SPOCK3: variants seen among roughly 807,000 people sequenced by gnomAD.
The protein encoded by SPOCK3 is testican-3.
A neutral mutation model predicts 56.6 loss-of-function variants in SPOCK3; 30 were observed. That is an observed-to-expected ratio of 0.53 (90% confidence interval 0.40 to 0.72). SPOCK3 has a LOEUF of 0.72. SPOCK3 is among the 30% of genes least tolerant of loss of function. The pLI, the probability that SPOCK3 is intolerant of heterozygous loss-of-function variation, is 0.00. For missense variants in SPOCK3, 527 were observed against 530.0 expected (o/e 0.99, Z 0.06); for synonymous variants, 196 against 183.3 (o/e 1.07, Z -0.56).
At chr4:166,840,806 T>G (rs1350163458) in intron 6 of SPOCK3, among the ~76,000 whole-genome samples, 1 of 126,246 alleles carries the variant, frequency 7.9e-6, no homozygotes, top group Non-Finnish European at 1.6e-5. Context: ...TTAGATGCAG[T>G]CTCGCTCTGT....
chr4:167,126,001 C>T (rs1012686740), intron 2 of SPOCK3, among the ~76,000 whole-genome samples: 3 of 152,182 alleles, frequency 2.0e-5, no homozygotes, highest in Admixed American at 6.5e-5. Flanking sequence ...TTTATTTTTA[C>T]TCATATCCTA....
At chr4:167,129,016 C>T (rs1357647912) in intron 2 of SPOCK3, among the ~76,000 whole-genome samples, 3 of 152,086 alleles carry the variant, frequency 2.0e-5, no homozygotes, top group African/African-American at 7.2e-5. Context: ...TGCTCTATAC[C>T]CTTGATTCAG....
At chr4:166,861,136 C>T (rs1015068522) in intron 6 of SPOCK3, among the ~76,000 whole-genome samples, 23 of 151,854 alleles carry the variant, frequency 1.5e-4, no homozygotes, top group African/African-American at 5.6e-4. Context: ...TACATATAGG[C>T]CTTTCCATAT....
intron 4 of SPOCK3, among the ~76,000 whole-genome samples, chr4:166,939,914 C>T: frequency 6.6e-6 from 1 of 152,022 alleles, no homozygotes; most frequent in East Asian, 1.9e-4. Flanking sequence ...AAACTAGAAA[C>T]ACATAAGGCA....
intron 7 of SPOCK3, among the ~76,000 whole-genome samples, chr4:166,779,648 A>G (rs1400642264): frequency 6.6e-6 from 1 of 152,160 alleles, no homozygotes; most frequent in African/African-American, 2.4e-5. Context: ...ATCAAGTGCT[A>G]TGACATATAC....
chr4:167,186,365 C>T (rs183933768), intron 2 of SPOCK3, among the ~76,000 whole-genome samples: 34 of 152,222 alleles, frequency 2.2e-4, no homozygotes, highest in Non-Finnish European at 4.0e-4. Flanking sequence ...TGGTGTTTCA[C>T]GCCTGTTAAT....
intron 3 of SPOCK3, among the ~76,000 whole-genome samples, chr4:167,021,136 A>T (rs1476991625): frequency 6.6e-6 from 1 of 152,032 alleles, no homozygotes; most frequent in Non-Finnish European, 1.5e-5. Flanking sequence ...CCTTGAAAAA[A>T]CTTAATCTTA....
chr4:166,977,184 G>T (rs970302112), intron 4 of SPOCK3, among the ~76,000 whole-genome samples: 1 of 151,854 alleles, frequency 6.6e-6, no homozygotes, highest in Admixed American at 6.6e-5. Context: ...CTTCTATTAA[G>T]TCTGTCTTTT....
At chr4:167,208,912 G>A (rs895245695) in intron 2 of SPOCK3, among the ~76,000 whole-genome samples, 3 of 152,046 alleles carry the variant, frequency 2.0e-5, no homozygotes, top group Non-Finnish European at 4.4e-5. Flanking sequence ...ATATTTGTTT[G>A]CAATCACTCT....
At chr4:166,769,196 T>C (rs12509913) in intron 7 of SPOCK3, among the ~76,000 whole-genome samples, 49,510 of 151,868 alleles carry the variant, frequency 0.33, 8,231 homozygotes, top group Admixed American at 0.41. Context: ...TCGTCAAAGT[T>C]ATTCGCTGTC....
At chr4:166,789,321 C>T (rs556040735) in intron 7 of SPOCK3, among the ~76,000 whole-genome samples, 3 of 151,872 alleles carry the variant, frequency 2.0e-5, no homozygotes, top group East Asian at 3.9e-4. Flanking sequence ...CCCAGCTACT[C>T]GAGAGGTTAA....
chr4:167,034,705 C>A (rs968088355), intron 3 of SPOCK3, among the ~76,000 whole-genome samples: 3 of 152,084 alleles, frequency 2.0e-5, no homozygotes, highest in African/African-American at 7.2e-5. Flanking sequence ...CTTAAGCCAA[C>A]AATGCTGTAG....
chr4:167,211,143 A>G (rs1734831921), intron 2 of SPOCK3, among the ~76,000 whole-genome samples: 1 of 152,194 alleles, frequency 6.6e-6, no homozygotes, highest in South Asian at 2.1e-4. Flanking sequence ...TGGAGCTTTA[A>G]GATTTGACTG....
intron 2 of SPOCK3, among the ~76,000 whole-genome samples, chr4:167,081,369 C>CT (rs1435356146): frequency 6.6e-6 from 1 of 151,884 alleles, no homozygotes; most frequent in Non-Finnish European, 1.5e-5. Context: ...TTGATGTCTT[C>CT]TTTTTTTACT....
intron 6 of SPOCK3, among the ~76,000 whole-genome samples, chr4:166,809,489 A>C (rs781762660): frequency 6.6e-6 from 1 of 152,072 alleles, no homozygotes; most frequent in Non-Finnish European, 1.5e-5. Flanking sequence ...AAGTATTAAC[A>C]AACAATTCTG....
chr4:166,848,607 A>G (rs1748343825), intron 6 of SPOCK3, among the ~76,000 whole-genome samples: 1 of 152,210 alleles, frequency 6.6e-6, no homozygotes, highest in Admixed American at 6.5e-5. Flanking sequence ...ACAGATGAAC[A>G]AAAGTGACCC....
At chr4:167,131,400 A>C (rs1272727956) in intron 2 of SPOCK3, among the ~76,000 whole-genome samples, 1 of 152,132 alleles carries the variant, frequency 6.6e-6, no homozygotes, top group Admixed American at 6.5e-5. Context: ...CAGCCTGGCC[A>C]ACATGGTGAA....
chr4:166,902,159 T>C (rs1579590570), intron 5 of SPOCK3, among the ~76,000 whole-genome samples: 1 of 152,290 alleles, frequency 6.6e-6, no homozygotes, highest in South Asian at 2.1e-4. Flanking sequence ...AAAAATTTTC[T>C]TTCAATATTT....
intron 4 of SPOCK3, among the ~76,000 whole-genome samples, chr4:166,929,081 GGGGA>G (rs1414557857): frequency 9.9e-5 from 15 of 152,230 alleles, no homozygotes; most frequent in African/African-American, 3.6e-4. Context: ...TGTTGATAAT[GGGGA>G]GGGTTCTGCA....
Sources: gnomAD v4.1 joint callset for allele counts (sites outside exome capture counted in the v4.1 genomes callset) on GRCh38, gnomAD v4.1.1 for gene constraint, MANE v1.5 for transcripts, NCBI Gene and HGNC (gene_info 2026-07-23, HGNC 2026-07-21) for gene names.